The following ZC2HC1B variants were observed in gnomAD, a reference collection of about 807,000 sequenced individuals.
The protein encoded by ZC2HC1B is zinc finger C2HC-type containing 1B.
In ZC2HC1B, 36 loss-of-function variants were observed where a neutral mutation model predicts 31.0. The ratio of observed to expected loss-of-function variants is 1.16; its 90% CI spans 0.89 to 1.54. ZC2HC1B has a LOEUF of 1.54. ZC2HC1B is among the 40% of genes most tolerant of loss of function. The probability of loss-of-function intolerance (pLI) is 0.00; values close to 1 mark genes in which losing one functional copy is unlikely to be tolerated. For missense variants in ZC2HC1B, 260 were observed against 268.6 expected (o/e 0.97, Z 0.22); for synonymous variants, 73 against 88.0 (o/e 0.83, Z 0.95).
At chr6:143,882,606 C>T (rs1413591447) in intron 1 of ZC2HC1B, among the ~76,000 whole-genome samples, 1 of 151,844 alleles carries the variant, frequency 6.6e-6, no homozygotes, top group Non-Finnish European at 1.5e-5. Context: ...GTTTCTCCTC[C>T]TGGCTTATCA....
At chr6:143,877,218 A>G (rs1424234274) in intron 1 of ZC2HC1B, among the ~76,000 whole-genome samples, 1 of 136,670 alleles carries the variant, frequency 7.3e-6, no homozygotes, top group Non-Finnish European at 1.6e-5. Context: ...AGATTTTCCT[A>G]ATTTTATCTT....
In ZC2HC1B at chr6:143,870,344, T is replaced by G. The variant is rs1777321284; in HGVS notation, c.28+5777T>G. 6.6e-6 allele frequency among the ~76,000 whole-genome samples: 1 copy of G among 152,164 alleles called. No individual in the cohort carries two copies. The highest frequency in any genetic ancestry group is 1.5e-5 in the Non-Finnish European group (1 of 68,020). The stretch of plus-strand genomic sequence containing the variant: ...TGCCTCCATATTGTGCAGAACCATC[T>G]GTGAACCGGGCTCTAGTCTTCTCTT... On this transcript the variant is annotated intron_variant, in intron 1 of 7. Coordinates refer to ENST00000237275, the MANE Select transcript of ZC2HC1B (RefSeq NM_001013623.3). The surrounding 1 kb of genome is among the most constrained non-coding windows in gnomAD (Gnocchi z 4.7).
chr6:143,910,878 G>A (rs996696047), intron 6 of ZC2HC1B, among the ~76,000 whole-genome samples: 3 of 152,046 alleles, frequency 2.0e-5, no homozygotes, highest in Non-Finnish European at 2.9e-5. Context: ...TCAGCTTCCC[G>A]AGTAGCTGAG....
Position 143,937,882 on chromosome 6 carries a change from T to C in ZC2HC1B, c.*14+149T>C, listed in dbSNP as rs138635269. 54 of 584,908 alleles carry C rather than the reference T, an allele frequency of 9.2e-5. 1 individual carries two copies. The highest frequency in any genetic ancestry group is 8.3e-4 in the African/African-American group (44 of 53,112). The allele number at this position is 584,908 out of a possible 1,614,324, so 36.2% of individuals were successfully genotyped here. On this transcript the variant is annotated intron_variant, in intron 7 of 7. Transcript: ENST00000237275. ...TGTATGCTCTTGAAACTGACTCTGC[T>C]GTTAAACATACAGTTTAAAGAGGAT...
chr6:143,892,836 T>TAA (rs563819419), intron 4 of ZC2HC1B, among the ~76,000 whole-genome samples: 3 of 152,114 alleles, frequency 2.0e-5, no homozygotes, highest in Non-Finnish European at 4.4e-5. Context: ...TGACCTAATA[T>TAA]AATTGTTACA....
At chr6:143,874,944 C>T (rs1440462959) in intron 1 of ZC2HC1B, among the ~76,000 whole-genome samples, 10 of 152,232 alleles carry the variant, frequency 6.6e-5, no homozygotes, top group Admixed American at 2.0e-4. Context: ...AGGATTCTCC[C>T]GCCTCAGCCC....
rs1010633226 is a variant in ZC2HC1B, at chr6:143,915,420, G to A, written c.598+12268G>A. ...CTTTTTCGGCAGCATGAAAACAGAC[G>A]AATACAGTAAATTGGTACCAGTAGA... On this transcript the variant is annotated intron_variant, in intron 6 of 7. Transcript: ENST00000237275. This position sits in a 1 kb window ranked among gnomAD's most constrained non-coding sequence, Gnocchi z 5.2. 5.3e-5 allele frequency among the ~76,000 whole-genome samples: 8 copies of A among 152,208 alleles called. No individual in the cohort carries two copies. The highest frequency in any genetic ancestry group is 1.4e-4 in the African/African-American group (6 of 41,528).
chr6:143,910,586 C>A (rs980904259), intron 6 of ZC2HC1B, among the ~76,000 whole-genome samples: 1 of 152,150 alleles, frequency 6.6e-6, no homozygotes, highest in Non-Finnish European at 1.5e-5. Context: ...CCCACTATTA[C>A]TATTTGCAAG....
Position 143,887,739 on chromosome 6 carries a change from G to A in ZC2HC1B, c.349+918G>A, listed in dbSNP as rs1442389145. 1.3e-5 allele frequency among the ~76,000 whole-genome samples: 2 copies of A among 151,884 alleles called. No individual in the cohort carries two copies. The highest frequency in any genetic ancestry group is 2.9e-5 in the Non-Finnish European group (2 of 67,958). ...CCTCTATCTCATCTTTATGTAAACT[G>A]AAAGTTAGGGCTAGAATCTCAATGA... is the stretch of plus-strand genomic sequence containing the variant. On this transcript the variant is annotated intron_variant, in intron 4 of 7. Transcript: ENST00000237275. This position sits in a 1 kb window ranked among gnomAD's most constrained non-coding sequence, Gnocchi z 5.1.
chr6:143,897,699 T>G (rs1777683359), intron 4 of ZC2HC1B, among the ~76,000 whole-genome samples: 2 of 151,596 alleles, frequency 1.3e-5, no homozygotes, highest in Non-Finnish European at 2.9e-5. Flanking sequence ...AGTAGTTAAG[T>G]GAAAAAAAAA....
rs528642366 is a variant in ZC2HC1B at position 143,875,840 on chromosome 6, G to A, written c.29-8464G>A. 6.6e-5 allele frequency among the ~76,000 whole-genome samples: 10 copies of A among 150,766 alleles called. No homozygotes were observed. The South Asian group carries it at 1.5e-3, about 23-fold the overall frequency. On this transcript the variant is annotated intron_variant, in intron 1 of 7. Coordinates refer to ENST00000237275, the MANE Select transcript of ZC2HC1B (RefSeq NM_001013623.3). ...AGGCAGCACAGGGTTTATCTCCTCA[G>A]ACAAAGGTGGAAAGGCTGACAGCAG...
chr6:143,875,769 T>G lies in ZC2HC1B; in HGVS notation c.29-8535T>G, dbSNP rs556203202. 1.1e-4 allele frequency among the ~76,000 whole-genome samples: 16 copies of G among 150,642 alleles called. 1 individual carries two copies. Among genetic ancestry groups the G allele is most frequent in the African/African-American group, 3.7e-4 (15 of 40,870 alleles). ...GGTGGTTTCTGAGGAGAATCAACATTATCTTGCCTGGCAACTGTCTCAGGG... is the reference window on the plus strand; with the variant it reads ...GGTGGTTTCTGAGGAGAATCAACATGATCTTGCCTGGCAACTGTCTCAGGG... On this transcript the variant is annotated intron_variant, in intron 1 of 7. Transcript: ENST00000237275.
At chr6:143,920,520 A>G (rs1777974588) in intron 6 of ZC2HC1B, among the ~76,000 whole-genome samples, 1 of 152,254 alleles carries the variant, frequency 6.6e-6, no homozygotes, top group African/African-American at 2.4e-5. Context: ...CTAGTAGATC[A>G]GTAAATATAA....
intron 4 of ZC2HC1B, among the ~76,000 whole-genome samples, chr6:143,893,003 A>G (rs78339047): frequency 8.1e-6 from 1 of 123,992 alleles, no homozygotes; most frequent in African/African-American, 4.0e-5. Context: ...ATGAATAAAG[A>G]AAAAAAAAAA....
intron 6 of ZC2HC1B, among the ~76,000 whole-genome samples, chr6:143,919,592 A>G (rs1361625947): frequency 6.6e-6 from 1 of 152,158 alleles, no homozygotes; most frequent in Non-Finnish European, 1.5e-5. Context: ...AACAACAATC[A>G]GTGATCAGAG....
chr6:143,910,479 G>C (rs1481193675), intron 6 of ZC2HC1B, among the ~76,000 whole-genome samples: 1 of 152,142 alleles, frequency 6.6e-6, no homozygotes, highest in African/African-American at 2.4e-5. Flanking sequence ...TATCTATCAG[G>C]CCCACTTGAT....
intron 4 of ZC2HC1B, among the ~76,000 whole-genome samples, chr6:143,890,306 T>A (rs1777584080): frequency 7.0e-6 from 1 of 142,694 alleles, no homozygotes; most frequent in Non-Finnish European, 1.5e-5. Flanking sequence ...TCCATCAAAT[T>A]AACAAAATAT....
chr6:143,910,140 C>T (rs1172000805), intron 6 of ZC2HC1B, among the ~76,000 whole-genome samples: 5 of 152,164 alleles, frequency 3.3e-5, no homozygotes, highest in East Asian at 1.9e-4. Flanking sequence ...AACTTGATTT[C>T]GGCCTTGATT....
In ZC2HC1B at chr6:143,915,572, C is replaced by G. The variant is rs1002104241; in HGVS notation, c.598+12420C>G. On this transcript the variant is annotated intron_variant, in intron 6 of 7. Coordinates refer to ENST00000237275, the MANE Select transcript of ZC2HC1B (RefSeq NM_001013623.3). The surrounding 1 kb of genome is among the most constrained non-coding windows in gnomAD (Gnocchi z 5.2). ...AAAATGTGAGAAAGTTTGGAACTTCCTAGAGACTTGTTGAATGGCTTTGAC... is the reference window on the plus strand; with the variant it reads ...AAAATGTGAGAAAGTTTGGAACTTCGTAGAGACTTGTTGAATGGCTTTGAC... Among the ~76,000 whole-genome samples, 1 of 152,160 alleles carries G rather than the reference C, an allele frequency of 6.6e-6. No homozygotes were observed. Among genetic ancestry groups the G allele is most frequent in the African/African-American group, 2.4e-5 (1 of 41,436 alleles).
Sources: gnomAD v4.1 joint callset for allele counts (sites outside exome capture counted in the v4.1 genomes callset) on GRCh38, gnomAD v4.1.1 for gene constraint, Gnocchi (gnomAD v3.1) non-coding constraint, MANE v1.5 for transcripts, NCBI Gene and HGNC (gene_info 2026-07-23, HGNC 2026-07-21) for gene names.